The following TNFRSF21 variants were observed in gnomAD, a reference collection of about 807,000 sequenced individuals.
TNFRSF21 encodes tumor necrosis factor receptor superfamily member 21.
In TNFRSF21, 19 loss-of-function variants were observed where a neutral mutation model predicts 45.6. The observed-to-expected ratio is 0.42, with a 90% CI of 0.29 to 0.61. TNFRSF21 has a LOEUF of 0.61. Ranked by LOEUF, TNFRSF21 falls within the 20% of genes least tolerant of loss-of-function variation. The probability of loss-of-function intolerance (pLI) is 0.23; values close to 1 mark genes in which losing one functional copy is unlikely to be tolerated. For synonymous variants in TNFRSF21, 314 were observed against 335.5 expected, an observed-to-expected ratio of 0.94 and a Z score of 0.70; for missense variants, 737 against 851.5, an observed-to-expected ratio of 0.87 and a Z score of 1.67.
chr6:47,240,356 T>C (rs1764727720), intron 4 of TNFRSF21, among the ~76,000 whole-genome samples: 1 of 152,222 alleles, frequency 6.6e-6, no homozygotes, highest in Non-Finnish European at 1.5e-5. Flanking sequence ...CTTTTCCATA[T>C]GAGGTAACAA....
chr6:47,248,104 T>C (rs185615948), intron 4 of TNFRSF21, among the ~76,000 whole-genome samples: 5 of 152,186 alleles, frequency 3.3e-5, no homozygotes, highest in Non-Finnish European at 7.3e-5. Context: ...TGGTTGTTTT[T>C]AATACCATCA....
chr6:47,298,313 A>G (rs1036028591), intron 1 of TNFRSF21, among the ~76,000 whole-genome samples: 17 of 148,956 alleles, frequency 1.1e-4, no homozygotes, highest in Non-Finnish European at 2.1e-4. Context: ...AAAAGGAATC[A>G]GGTATAGTGG....
At position 47,284,268 on chromosome 6, in the gene TNFRSF21, G is replaced by A; in HGVS notation, c.913C>T (p.His305Tyr). 6.2e-7 allele frequency: 1 copy of A among 1,612,564 alleles called. No individual in the cohort carries two copies. Among genetic ancestry groups the A allele is most frequent in the Non-Finnish European group, 8.5e-7 (1 of 1,179,170 alleles). Residue 305 changes from histidine to tyrosine, a missense_variant, in exon 3 of 6, where the codon CAC (histidine) becomes TAC (tyrosine). Transcript: ENST00000296861. ...AGCAGCTTCAGGATGTGTCTGTGGT[G>A]GGGGCCTTGCTGGTGGTTGACTACC... Reference protein sequence around the residue: ...LQVVNHQQGPHHRHILKLLPS... With the variant: ...LQVVNHQQGPYHRHILKLLPS...
chr6:47,270,182 T>C (rs986107481), intron 3 of TNFRSF21, among the ~76,000 whole-genome samples: 6 of 152,142 alleles, frequency 3.9e-5, no homozygotes, highest in Non-Finnish European at 8.8e-5. Context: ...ACAGACTGCC[T>C]CCTCAAGTGG....
intron 3 of TNFRSF21, among the ~76,000 whole-genome samples, chr6:47,256,308 G>A (rs1042565932): frequency 6.6e-6 from 1 of 152,178 alleles, no homozygotes; most frequent in African/African-American, 2.4e-5. Flanking sequence ...TGGATCGCTT[G>A]AGTCCAGGAG....
chr6:47,269,236 CACAA>C (rs755848704), intron 3 of TNFRSF21, among the ~76,000 whole-genome samples: 9 of 151,190 alleles, frequency 6.0e-5, no homozygotes, highest in South Asian at 2.1e-4. Flanking sequence ...AACACACACA[CACAA>C]ACACACACAC....
chr6:47,296,006 C>T lies in TNFRSF21; in HGVS notation c.97-9411G>A, dbSNP rs139522297. On this transcript the variant is annotated intron_variant, in intron 1 of 5. Coordinates refer to ENST00000296861, the MANE Select transcript of TNFRSF21 (RefSeq NM_014452.5). ...GGAACCTGCAATGCAGGAGCGTGTACACTCAGCAGCACTCAGTCCTGGGGC... is the reference window on the plus strand; with the variant it reads ...GGAACCTGCAATGCAGGAGCGTGTATACTCAGCAGCACTCAGTCCTGGGGC... Among the ~76,000 whole-genome samples the T allele has an allele frequency of 3.0e-4, 46 of 152,280 alleles. No homozygotes were observed. The East Asian group carries it at 8.1e-3, about 27-fold the overall frequency.
intron 3 of TNFRSF21, among the ~76,000 whole-genome samples, chr6:47,266,230 G>A (rs564980722): frequency 5.3e-5 from 8 of 152,250 alleles, no homozygotes; most frequent in African/African-American, 1.2e-4. Context: ...TTTTGTTCAC[G>A]ACCCCCAATA....
chr6:47,251,199 A>G (rs1764897145), intron 4 of TNFRSF21, among the ~76,000 whole-genome samples: 1 of 152,228 alleles, frequency 6.6e-6, no homozygotes, highest in Admixed American at 6.5e-5. Context: ...AATTAGAGTT[A>G]GAGCTGGATC....
chr6:47,277,003 G>A (rs1762508171), intron 3 of TNFRSF21, among the ~76,000 whole-genome samples: 1 of 151,972 alleles, frequency 6.6e-6, no homozygotes, highest in Non-Finnish European at 1.5e-5. Context: ...GTTTTGTTTT[G>A]TTTTTTTGAG....
At chr6:47,281,673 G>T (rs1440313901) in intron 3 of TNFRSF21, among the ~76,000 whole-genome samples, 1 of 152,110 alleles carries the variant, frequency 6.6e-6, no homozygotes, top group Non-Finnish European at 1.5e-5. Context: ...GAGCCACCAC[G>T]CCTGGGCCAA....
intron 1 of TNFRSF21, among the ~76,000 whole-genome samples, chr6:47,295,320 G>A (rs866437987): frequency 1.3e-5 from 2 of 152,172 alleles, no homozygotes; most frequent in Admixed American, 6.5e-5. Context: ...TTCAAACAAC[G>A]TATTTTTGTC....
chr6:47,249,704 G>A (rs759583350), intron 4 of TNFRSF21, among the ~76,000 whole-genome samples: 8 of 152,170 alleles, frequency 5.3e-5, no homozygotes, highest in Non-Finnish European at 1.0e-4. Context: ...GAAAACAAAA[G>A]CGAAGTATAA....
intron 3 of TNFRSF21, among the ~76,000 whole-genome samples, chr6:47,276,740 T>C (rs1044944302): frequency 1.3e-5 from 2 of 152,240 alleles, no homozygotes; most frequent in African/African-American, 4.8e-5. Flanking sequence ...CCTAACTTGC[T>C]GACCCATGGT....
At position 47,233,003 on chromosome 6, in the gene TNFRSF21, A is replaced by G. The variant is rs376064658; in HGVS notation, c.1739-9T>C. ...CACTGTGTCCTTCTTTTCTGCAGAG[A>G]AGAGAGGGAAGCAAAGACAGCTGTA... On this transcript the variant is annotated splice_polypyrimidine_tract_variant and intron_variant, in intron 5 of 5. Coordinates refer to ENST00000296861, the MANE Select transcript of TNFRSF21 (RefSeq NM_014452.5). The G allele has an allele frequency of 1.2e-5, 19 of 1,613,672 alleles. 1 individual carries two copies. Among genetic ancestry groups the G allele is most frequent in the Non-Finnish European group, 1.5e-5 (18 of 1,179,806 alleles).
intron 1 of TNFRSF21, among the ~76,000 whole-genome samples, chr6:47,295,545 T>G (rs909648903): frequency 2.0e-5 from 3 of 152,180 alleles, no homozygotes; most frequent in East Asian, 1.9e-4. Context: ...ATGGTGAATC[T>G]AAAACATGAT....
intron 3 of TNFRSF21, among the ~76,000 whole-genome samples, chr6:47,280,596 T>G (rs1185091255): frequency 6.6e-6 from 1 of 152,250 alleles, no homozygotes; most frequent in Non-Finnish European, 1.5e-5. Context: ...GAAAAGCATA[T>G]TGCTGTGGTA....
intron 4 of TNFRSF21, among the ~76,000 whole-genome samples, chr6:47,244,151 C>G (rs1469022077): frequency 6.6e-5 from 10 of 152,012 alleles, no homozygotes; most frequent in Non-Finnish European, 4.4e-5. Flanking sequence ...GAAACCCCAT[C>G]TCTACTAAAA....
At chr6:47,290,952 A>G (rs535953778) in intron 1 of TNFRSF21, among the ~76,000 whole-genome samples, 1 of 152,368 alleles carries the variant, frequency 6.6e-6, no homozygotes, top group South Asian at 2.1e-4. Context: ...ACAAAAAAAG[A>G]ATACACCAGT....
Sources: allele counts gnomAD v4.1 joint callset (sites outside exome capture counted in the v4.1 genomes callset), GRCh38; gene constraint gnomAD v4.1.1; transcripts MANE v1.5; gene names NCBI Gene and HGNC (gene_info 2026-07-23, HGNC 2026-07-21).